Variants in KDM4C observed in about 807,000 individuals in gnomAD.
KDM4C encodes lysine-specific demethylase 4C.
A neutral mutation model predicts 129.3 loss-of-function variants in KDM4C; 81 were observed. The ratio of observed to expected loss-of-function variants is 0.63; its 90% CI spans 0.52 to 0.75. KDM4C has a LOEUF of 0.75. Among genes scored for constraint, KDM4C ranks in the 30% least tolerant of loss-of-function variants. The pLI is 0.00. For synonymous variants in KDM4C, 573 were observed against 456.1 expected (o/e 1.26, Z -3.26); for missense variants, 1,457 against 1,304.0 (o/e 1.12, Z -1.81).
Position 7,049,103 on chromosome 9 carries a change from T to C in KDM4C, c.2327T>C (p.Val776Ala). ...CTCCTTTCCTGTAGGTGGGCCCATG[T>C]CATGTGCGCCGTTGCGGTCCCAGAA... ...KQTKNNKWAH[V>A]MCAVAVPEVR... The change falls in exon 17 of 22, where the codon GTC (valine) becomes GCC (alanine). Residue 776 changes from valine to alanine, a missense_variant. By Grantham distance (64) the Val-to-Ala change is moderately conservative (BLOSUM62 0). Transcript: ENST00000381309. 1 of 1,611,834 alleles carries C rather than the reference T, an allele frequency of 6.2e-7. No individual in the cohort carries two copies. The highest frequency in any genetic ancestry group is 8.5e-7 in the Non-Finnish European group (1 of 1,178,300).
intron 19 of KDM4C, among the ~76,000 whole-genome samples, chr9:7,149,600 G>T (rs1323162994): frequency 6.6e-6 from 1 of 152,222 alleles, no homozygotes; most frequent in Non-Finnish European, 1.5e-5. Context: ...ACAGGCCGCC[G>T]CCACCAGTAG....
chr9:7,164,624 C>T (rs1019644327), intron 19 of KDM4C, among the ~76,000 whole-genome samples: 1 of 152,162 alleles, frequency 6.6e-6, no homozygotes, highest in Non-Finnish European at 1.5e-5. Context: ...GCAGGTGCTC[C>T]TGTTTTCCCT....
intron 1 of KDM4C, among the ~76,000 whole-genome samples, chr9:6,778,689 C>T (rs1207145713): frequency 6.6e-6 from 1 of 151,898 alleles, no homozygotes. Context: ...ATCTCTTGAA[C>T]CCAGGAAGCG....
At chr9:6,963,503 G>C (rs150318605) in intron 8 of KDM4C, among the ~76,000 whole-genome samples, 2 of 152,172 alleles carry the variant, frequency 1.3e-5, no homozygotes, top group African/African-American at 2.4e-5. Context: ...TGTGGTAGGG[G>C]AGCTGACCTA....
At chr9:6,760,368 C>T (rs896853713) in intron 1 of KDM4C, among the ~76,000 whole-genome samples, 1 of 151,610 alleles carries the variant, frequency 6.6e-6, no homozygotes, top group Middle Eastern at 3.2e-3. Context: ...TTTGTGTTAT[C>T]TCTGCTTTTG....
intron 1 of KDM4C, chr9:6,721,176 T>G: frequency 4.2e-6 from 2 of 479,988 alleles, no homozygotes; most frequent in Non-Finnish European, 7.4e-6. Context: ...CAGGCTCAGG[T>G]GATTCTCCCA....
intron 15 of KDM4C, among the ~76,000 whole-genome samples, chr9:7,026,751 C>T (rs140551191): frequency 2.0e-5 from 3 of 152,114 alleles, no homozygotes; most frequent in African/African-American, 7.2e-5. Flanking sequence ...CTTTCTTGAT[C>T]CTGTAGGTGT....
At chr9:7,172,959 T>G (rs1049267657) in intron 21 of KDM4C, among the ~76,000 whole-genome samples, 5 of 152,236 alleles carry the variant, frequency 3.3e-5, no homozygotes, top group African/African-American at 9.6e-5. Flanking sequence ...GCAAAAATAG[T>G]GCCTACCATA....
chr9:6,901,007 T>TG (rs1817310928), intron 8 of KDM4C, among the ~76,000 whole-genome samples: 1 of 152,124 alleles, frequency 6.6e-6, no homozygotes, highest in Non-Finnish European at 1.5e-5. Context: ...GACTTTTCCA[T>TG]ATTTTTTCAG....
At chr9:7,080,707 C>T (rs1011151177) in intron 17 of KDM4C, among the ~76,000 whole-genome samples, 7 of 152,090 alleles carry the variant, frequency 4.6e-5, no homozygotes, top group Non-Finnish European at 7.4e-5. Context: ...ATAATTTAAG[C>T]GCACATATAA....
chr9:7,083,710 G>GGTGTGTGTGTGTGTGTGTGTGT, intron 17 of KDM4C, among the ~76,000 whole-genome samples: 1 of 65,480 alleles, frequency 1.5e-5, no homozygotes, highest in East Asian at 3.5e-4. Context: ...GCACATGACT[G>GGTGTGTGTGTGTGTGTGTGTGT]ATGTGTGTGT....
intron 5 of KDM4C, among the ~76,000 whole-genome samples, chr9:6,865,679 G>A (rs756217078): frequency 5.3e-5 from 8 of 152,090 alleles, no homozygotes; most frequent in Non-Finnish European, 1.2e-4. Flanking sequence ...CAATTCTGCT[G>A]CCTCAGCCCT....
intron 4 of KDM4C, among the ~76,000 whole-genome samples, chr9:6,841,270 A>G (rs1836862166): frequency 6.6e-6 from 1 of 152,092 alleles, no homozygotes; most frequent in East Asian, 1.9e-4. Context: ...CAGGAGAAAG[A>G]TGGGGGCTCA....
intron 8 of KDM4C, among the ~76,000 whole-genome samples, chr9:6,923,581 G>A (rs1322588784): frequency 6.6e-6 from 1 of 152,128 alleles, no homozygotes; most frequent in African/African-American, 2.4e-5. Flanking sequence ...CTTATTTGCC[G>A]AGGGATCATC....
chr9:7,108,364 G>A (rs1242536679), intron 18 of KDM4C, among the ~76,000 whole-genome samples: 1 of 152,110 alleles, frequency 6.6e-6, no homozygotes, highest in Admixed American at 6.6e-5. Flanking sequence ...TGCCTCCCAA[G>A]TAGCTGGGAC....
intron 13 of KDM4C, among the ~76,000 whole-genome samples, chr9:7,012,403 T>C (rs908057793): frequency 6.6e-6 from 1 of 152,204 alleles, no homozygotes; most frequent in African/African-American, 2.4e-5. Context: ...CTATCTCTTT[T>C]ACTAAGAAAC....
intron 8 of KDM4C, chr9:6,942,443 G>C (rs771666494): frequency 4.7e-5 from 7 of 149,020 alleles, no homozygotes; most frequent in Non-Finnish European, 7.4e-5. Flanking sequence ...TTAATTTTGT[G>C]TTTTGTTTCT....
intron 8 of KDM4C, among the ~76,000 whole-genome samples, chr9:6,926,084 C>T (rs373375607): frequency 1.5e-4 from 23 of 152,086 alleles, no homozygotes; most frequent in East Asian, 5.8e-4. Flanking sequence ...AAAGTGCTGG[C>T]GATGGTGAAA....
chr9:6,835,562 C>A (rs1228068729), intron 4 of KDM4C: 9 of 1,084,578 alleles, frequency 8.3e-6, no homozygotes, highest in Non-Finnish European at 1.3e-5. Flanking sequence ...ATCATCCATC[C>A]TTCAAATGCT....
Sources: gnomAD v4.1 joint callset for allele counts (sites outside exome capture counted in the v4.1 genomes callset) on GRCh38, gnomAD v4.1.1 for gene constraint, MANE v1.5 for transcripts, NCBI Gene and HGNC (gene_info 2026-07-23, HGNC 2026-07-21) for gene names.